The following KLF8 variants were observed in gnomAD, a reference collection of about 807,000 sequenced individuals.
KLF8 encodes Krueppel-like factor 8.
A neutral mutation model predicts 18.2 loss-of-function variants in KLF8; 10 were observed. That is an observed-to-expected ratio of 0.55 (90% confidence interval 0.34 to 0.93). KLF8 has a LOEUF of 0.93. KLF8 is among the 40% of genes least tolerant of loss of function. KLF8 has a pLI of 0.02. For synonymous variants in KLF8, 109 were observed against 97.3 expected (o/e 1.12, Z -0.71); for missense variants, 264 against 277.9 (o/e 0.95, Z 0.36).
At chrX:56,169,212 A>T in the KLF8 span, among the ~76,000 whole-genome samples, 11 of 111,695 alleles carry the variant, frequency 9.8e-5, no homozygotes, top group South Asian at 1.1e-3. Flanking sequence ...AGTAACCCAT[A>T]GACCTTGGGT....
At chrX:56,052,063 G>A in the KLF8 span, among the ~76,000 whole-genome samples, 1 of 111,189 alleles carries the variant, frequency 9.0e-6, no homozygotes, top group Non-Finnish European at 1.9e-5. Flanking sequence ...GATTGCATCG[G>A]CTCCTGAGGC....
chrX:56,060,785 G>A, the KLF8 span, among the ~76,000 whole-genome samples: 1 of 111,923 alleles, frequency 8.9e-6, no homozygotes, highest in South Asian at 3.7e-4. Context: ...GCTCCTCTTT[G>A]TACCTCTGGT....
the KLF8 span, among the ~76,000 whole-genome samples, chrX:55,954,773 AG>A: frequency 8.9e-6 from 1 of 111,933 alleles, no homozygotes; most frequent in Non-Finnish European, 1.9e-5. Context: ...GCCAAGAAGC[AG>A]AAAAAATCTC....
At chrX:56,152,423 A>G in the KLF8 span, among the ~76,000 whole-genome samples, 1 of 111,228 alleles carries the variant, frequency 9.0e-6, no homozygotes, top group Non-Finnish European at 1.9e-5. Flanking sequence ...AGGTGGTTTT[A>G]CCAGAAGATA....
At chrX:56,028,583 C>T in the KLF8 span, among the ~76,000 whole-genome samples, 26 of 111,526 alleles carry the variant, frequency 2.3e-4, 1 homozygote, top group East Asian at 6.5e-3. Context: ...AGCAGAAGGT[C>T]GTCCACGTAC....
chrX:56,151,114 G>A, the KLF8 span, among the ~76,000 whole-genome samples: 1 of 111,532 alleles, frequency 9.0e-6, no homozygotes, highest in Non-Finnish European at 1.9e-5. Flanking sequence ...CTGTTGCTGA[G>A]AGAACAAAGG....
At chrX:56,169,378 C>T in the KLF8 span, among the ~76,000 whole-genome samples, 57,657 of 109,695 alleles carry the variant, frequency 0.53, 13,804 homozygotes, top group Non-Finnish European at 0.74. Flanking sequence ...GAGGATAGAG[C>T]GGCAAGTTTG....
chrX:56,162,727 G>T, the KLF8 span, among the ~76,000 whole-genome samples: 2 of 111,468 alleles, frequency 1.8e-5, no homozygotes, highest in African/African-American at 6.5e-5. Context: ...TGGGTGAGGT[G>T]ATGCCTCGCC....
chrX:56,046,078 G>T, the KLF8 span, among the ~76,000 whole-genome samples: 2 of 110,059 alleles, frequency 1.8e-5, no homozygotes, highest in Non-Finnish European at 3.8e-5. Context: ...TTTGTCACAT[G>T]TTTTTTCTGC....
the KLF8 span, among the ~76,000 whole-genome samples, chrX:56,089,375 G>C: frequency 8.9e-6 from 1 of 112,002 alleles, no homozygotes; most frequent in Non-Finnish European, 1.9e-5. Flanking sequence ...GCAGTTTATA[G>C]TCGAAAATAA....
At chrX:56,203,483 C>T in the KLF8 span, among the ~76,000 whole-genome samples, 1 of 112,173 alleles carries the variant, frequency 8.9e-6, no homozygotes, top group African/African-American at 3.2e-5. Flanking sequence ...TGGAATATTG[C>T]TCAAGAAATT....
chrX:56,037,423 C>A, the KLF8 span, among the ~76,000 whole-genome samples: 1 of 111,259 alleles, frequency 9.0e-6, no homozygotes, highest in African/African-American at 3.3e-5. Flanking sequence ...ATGTTGGCCT[C>A]ATAGACTGAA....
the KLF8 span, among the ~76,000 whole-genome samples, chrX:56,160,814 G>A: frequency 9.0e-6 from 1 of 111,315 alleles, no homozygotes; most frequent in East Asian, 2.8e-4. Context: ...CCTGAATACA[G>A]CACACTGATG....
the KLF8 span, among the ~76,000 whole-genome samples, chrX:55,940,962 T>A: frequency 9.0e-6 from 1 of 111,726 alleles, no homozygotes; most frequent in African/African-American, 3.3e-5. Flanking sequence ...AGGTAATTTA[T>A]AGATTCAATG....
the KLF8 span, among the ~76,000 whole-genome samples, chrX:56,202,742 T>C: frequency 9.0e-6 from 1 of 111,249 alleles, no homozygotes; most frequent in African/African-American, 3.3e-5. Flanking sequence ...TGCATATTGT[T>C]GCAAATGACT....
chrX:56,100,418 C>T, the KLF8 span, among the ~76,000 whole-genome samples: 2 of 111,149 alleles, frequency 1.8e-5, no homozygotes, highest in Admixed American at 1.9e-4. Flanking sequence ...ATTCTGTAGC[C>T]CGTGGATCAA....
the KLF8 span, among the ~76,000 whole-genome samples, chrX:56,048,187 A>G: frequency 1.8e-5 from 2 of 111,252 alleles, no homozygotes; most frequent in Non-Finnish European, 3.8e-5. Context: ...AGATGAGTAG[A>G]TTGCAAAAAT....
chrX:56,232,636 T>C lies in KLF8; in HGVS notation c.-699T>C, dbSNP rs2066414053. 2 of 111,495 alleles carry C rather than the reference T, an allele frequency of 1.8e-5. No individual in the cohort carries two copies. Among genetic ancestry groups the C allele is most frequent in the Admixed American group, 1.9e-4 (2 of 10,553 alleles). 9.2% of individuals were successfully genotyped at this position (111,495 alleles called of 1,213,427 possible). ...GAAGCCCCTGCCCTGGGGCTGGTGT[T>C]CTTCTCTATGATTCTACCAATCGTC... On this transcript the variant is annotated 5_prime_UTR_variant, in exon 1 of 6. Coordinates refer to ENST00000468660, the MANE Select transcript of KLF8 (RefSeq NM_007250.5).
At chrX:56,078,857 TG>T in the KLF8 span, among the ~76,000 whole-genome samples, 1 of 110,636 alleles carries the variant, frequency 9.0e-6, no homozygotes, top group African/African-American at 3.3e-5. Context: ...AACTTCTTCC[TG>T]GTTTAGTCTT....
Sources: gnomAD v4.1 joint callset for allele counts (sites outside exome capture counted in the v4.1 genomes callset) on GRCh38, gnomAD v4.1.1 for gene constraint, MANE v1.5 for transcripts, NCBI Gene and HGNC (gene_info 2026-07-23, HGNC 2026-07-21) for gene names.